Variants in PALS2 observed in about 807,000 individuals in gnomAD.
PALS2 encodes protein associated with LIN7 2, MAGUK p55 family member.
Under a neutral mutation model 61.6 loss-of-function variants are expected in PALS2, and 27 were observed. The ratio of observed to expected loss-of-function variants is 0.44; its 90% confidence interval spans 0.32 to 0.60. PALS2 has a LOEUF of 0.60. Among genes scored for constraint, PALS2 ranks in the 20% least tolerant of loss-of-function variants. The probability of loss-of-function intolerance (pLI) is 0.05; values close to 1 mark genes in which losing one functional copy is unlikely to be tolerated. For synonymous variants in PALS2, 236 were observed against 218.6 expected (o/e 1.08, Z -0.70); for missense variants, 554 against 639.4 (o/e 0.87, Z 1.44).
At chr7:24,671,340 G>C (rs1223184860) in intron 9 of PALS2, among the ~76,000 whole-genome samples, 2 of 152,168 alleles carry the variant, frequency 1.3e-5, no homozygotes, top group East Asian at 1.9e-4. Context: ...AGGAATGTCT[G>C]TTCAAACTGG....
At chr7:24,669,583 T>C (rs1424692703) in intron 9 of PALS2, among the ~76,000 whole-genome samples, 1 of 152,236 alleles carries the variant, frequency 6.6e-6, no homozygotes, top group Non-Finnish European at 1.5e-5. Context: ...GGTATATTAA[T>C]GCCTTTAAGC....
chr7:24,642,943 A>G (rs542033547), intron 3 of PALS2, among the ~76,000 whole-genome samples: 59 of 152,118 alleles, frequency 3.9e-4, no homozygotes, highest in Non-Finnish European at 5.4e-4. Flanking sequence ...AACCAGGGAA[A>G]GGTCAGGTTT....
intron 11 of PALS2, among the ~76,000 whole-genome samples, chr7:24,682,559 G>C (rs2529037): frequency 0.63 from 96,447 of 152,010 alleles, 33,135 homozygotes; most frequent in East Asian, 0.99. Flanking sequence ...AATCATAAGA[G>C]TCACTTCATT....
intron 1 of PALS2, among the ~76,000 whole-genome samples, chr7:24,585,976 C>A (rs541629037): frequency 6.6e-6 from 1 of 152,100 alleles, no homozygotes; most frequent in South Asian, 2.1e-4. Flanking sequence ...CAAATTATCT[C>A]CAAAAAGAGC....
Position 24,647,886 on chromosome 7 carries a change from A to T in PALS2, c.271-1726A>T, listed in dbSNP as rs191213642. 1.4e-4 allele frequency among the ~76,000 whole-genome samples: 21 copies of T among 152,304 alleles called. No individual in the cohort carries two copies. The East Asian group carries it at 3.7e-3, about 27-fold the overall frequency. On this transcript the variant is annotated intron_variant, in intron 3 of 11. Coordinates refer to ENST00000222644, the MANE Select transcript of PALS2 (RefSeq NM_001303037.2). ...GACGAGTTGTGGGCAAATTTTTACT[A>T]TAAAAATCTGAAGCACATGAGATTT... is the stretch of plus-strand genomic sequence containing the variant.
At chr7:24,679,059 C>A in intron 9 of PALS2, 72 bp from the exon 10 acceptor site, 1 of 1,376,416 alleles carries the variant, frequency 7.3e-7, no homozygotes, top group Non-Finnish European at 1.0e-6. Flanking sequence ...GTTAAGCCAC[C>A]CTATGTATTT....
chr7:24,676,237 G>A (rs1476990122), intron 9 of PALS2, among the ~76,000 whole-genome samples: 2 of 151,864 alleles, frequency 1.3e-5, no homozygotes, highest in African/African-American at 4.8e-5. Context: ...TTTTTTTCTT[G>A]TAAATTTGTT....
intron 5 of PALS2, among the ~76,000 whole-genome samples, chr7:24,655,907 A>G (rs941031450): frequency 1.3e-5 from 2 of 152,116 alleles, no homozygotes; most frequent in Admixed American, 6.6e-5. Flanking sequence ...ATCAGAAAGG[A>G]ACGTGGATTG....
At chr7:24,604,219 GAAAA>G (rs58169190) in intron 1 of PALS2, among the ~76,000 whole-genome samples, 2,148 of 86,148 alleles carry the variant, frequency 0.025, 43 homozygotes, top group African/African-American at 0.069. Context: ...TTCAAGAAAA[GAAAA>G]AAAAAAAAAA....
intron 6 of PALS2, among the ~76,000 whole-genome samples, chr7:24,664,112 C>T (rs1321019070): frequency 6.6e-6 from 1 of 152,048 alleles, no homozygotes; most frequent in African/African-American, 2.4e-5. Flanking sequence ...TCTCTTGTCT[C>T]CTCTCCCTCA....
In PALS2 at chr7:24,679,167, G is replaced by A. The variant is rs1466102865; in HGVS notation, c.1151G>A (p.Gly384Asp). Residue 384 changes from glycine (G) to aspartate (D), a missense_variant, in exon 10 of 12, where the codon GGC becomes GAC. By Grantham distance (94) the Gly-to-Asp change is moderately conservative. Transcript: ENST00000222644. ...SRKPREDEKD[G>D]QAYKFVSRSE... Reference sequence around the variant, plus strand: ...AAACCAAGGGAAGATGAAAAAGATGGCCAGGCATATAAGTTTGTGTCACGA... The same window carrying A: ...AAACCAAGGGAAGATGAAAAAGATGACCAGGCATATAAGTTTGTGTCACGA... 3 of 1,613,816 alleles carry A rather than the reference G, an allele frequency of 1.9e-6. No homozygotes were observed. The highest frequency in any genetic ancestry group is 2.2e-5 in the East Asian group (1 of 44,884).
chr7:24,607,295 TATTATTATTCTAACATATAATGAAA>T (rs1257261133), intron 1 of PALS2, among the ~76,000 whole-genome samples: 7 of 152,154 alleles, frequency 4.6e-5, no homozygotes, highest in Non-Finnish European at 8.8e-5. Context: ...AGCAATTCAT[TATTATTATTCTAACATATAATGAAA>T]TGAAGCCCTC....
intron 1 of PALS2, among the ~76,000 whole-genome samples, chr7:24,607,208 A>G (rs1562610600): frequency 6.6e-6 from 1 of 152,178 alleles, no homozygotes; most frequent in Non-Finnish European, 1.5e-5. Flanking sequence ...ATTATAATTC[A>G]GAATTTAGTT....
intron 5 of PALS2, among the ~76,000 whole-genome samples, chr7:24,652,004 T>G (rs1786177481): frequency 6.6e-6 from 1 of 152,142 alleles, no homozygotes; most frequent in Non-Finnish European, 1.5e-5. Context: ...AGTTTTGTGG[T>G]CCTCAAGGAA....
Position 24,633,196 on chromosome 7 carries a change from C to A in PALS2, c.118-8520C>A, listed in dbSNP as rs145687941. On this transcript the variant is annotated intron_variant, in intron 2 of 11. Transcript: ENST00000222644. ...TATATCAACCCAAGTTTTGCACTTACACCATTTTCCTTCTTTCTGATGAAT... is the reference window on the plus strand; with the variant it reads ...TATATCAACCCAAGTTTTGCACTTAAACCATTTTCCTTCTTTCTGATGAAT... Among the ~76,000 whole-genome samples the A allele has an allele frequency of 1.8e-3, 268 of 152,064 alleles. 1 individual carries two copies. The highest frequency in any genetic ancestry group is 6.2e-3 in the African/African-American group (259 of 41,494).
chr7:24,649,724 T>C lies in PALS2; in HGVS notation c.383T>C (p.Ile128Thr). ...AATCAGTTATTACCAGTAGATGCCA[T>C]TCGTATTCTTGGTATTCACAAAAGA... Reference protein sequence around the residue: ...INNQLLPVDAIRILGIHKRAG... With the variant: ...INNQLLPVDATRILGIHKRAG... Residue 128 changes from isoleucine (I) to threonine (T), a missense_variant, in exon 4 of 12, where the codon ATT (isoleucine) becomes ACT (threonine). Ile to Thr is a moderately conservative substitution (Grantham distance 89, BLOSUM62 -1). Coordinates refer to ENST00000222644, the MANE Select transcript of PALS2 (RefSeq NM_001303037.2). 1 of 1,610,740 alleles carries C rather than the reference T, an allele frequency of 6.2e-7. No homozygotes were observed. Among genetic ancestry groups the C allele is most frequent in the Non-Finnish European group, 8.5e-7 (1 of 1,178,534 alleles).
At chr7:24,668,757 C>A in intron 9 of PALS2, 97 bp downstream of exon 9, 1 of 1,424,888 alleles carries the variant, frequency 7.0e-7, no homozygotes, top group Non-Finnish European at 9.6e-7. Context: ...TTGTTATTCC[C>A]AAATAAGTTT....
chr7:24,687,710 A>G lies in PALS2; in HGVS notation c.*96A>G. 3 of 1,256,854 alleles carry G rather than the reference A, an allele frequency of 2.4e-6. No homozygotes were observed. The highest frequency in any genetic ancestry group is 2.5e-5 in the East Asian group (1 of 40,420). The allele number at this position is 1,256,854 out of a possible 1,614,324, so 77.9% of individuals were successfully genotyped here. ...GAAAATACATCACAGATAGAAGATT[A>G]TCTGCTAAGTCCAGGCATTTTTATG... On this transcript the variant is annotated 3_prime_UTR_variant, in exon 12 of 12. Transcript: ENST00000222644. This position sits in a 1 kb window ranked among gnomAD's most constrained non-coding sequence, Gnocchi z 4.5.
intron 1 of PALS2, among the ~76,000 whole-genome samples, chr7:24,601,471 G>A (rs1177547296): frequency 1.3e-5 from 2 of 151,844 alleles, no homozygotes; most frequent in African/African-American, 2.4e-5. Flanking sequence ...AGCTGAATAC[G>A]GACTCATTTT....
Sources: gnomAD v4.1 joint callset for allele counts (sites outside exome capture counted in the v4.1 genomes callset) on GRCh38, gnomAD v4.1.1 for gene constraint, Gnocchi (gnomAD v3.1) non-coding constraint, MANE v1.5 for transcripts, NCBI Gene and HGNC (gene_info 2026-07-23, HGNC 2026-07-21) for gene names.